The following RIF1 variants were observed in gnomAD, a reference collection of about 807,000 sequenced individuals.
RIF1 encodes telomere-associated protein RIF1.
RIF1 carries 45 observed loss-of-function variants against 247.1 expected under a neutral mutation model. That is an observed-to-expected ratio of 0.18 (90% CI 0.14 to 0.23). RIF1 has a LOEUF of 0.23. Among genes scored for constraint, RIF1 ranks in the 10% least tolerant of loss-of-function variants. The pLI is 1.00. For missense variants in RIF1, 2,967 were observed against 2,862.5 expected, an observed-to-expected ratio of 1.04 and a Z score of -0.83; for synonymous variants, 1,087 against 978.8, an observed-to-expected ratio of 1.11 and a Z score of -2.06.
intron 11 of RIF1, among the ~76,000 whole-genome samples, chr2:151,436,330 A>G (rs1691197137): frequency 6.6e-6 from 1 of 152,110 alleles, no homozygotes; most frequent in Admixed American, 6.6e-5. Context: ...ACTTGAAGCC[A>G]GGAGTTGGAT....
chr2:151,528,419 A>G, the RIF1 span, among the ~76,000 whole-genome samples: 1 of 152,340 alleles, frequency 6.6e-6, no homozygotes, highest in East Asian at 1.9e-4. Context: ...TCAAACATAC[A>G]AAAATGTTGC....
At chr2:151,466,564 T>C (rs1028906037) in intron 30 of RIF1, among the ~76,000 whole-genome samples, 1 of 152,060 alleles carries the variant, frequency 6.6e-6, no homozygotes, top group East Asian at 1.9e-4. Flanking sequence ...AAAAAACTCA[T>C]GTGCCTTCAT....
chr2:151,533,361 G>A, the RIF1 span: 3 of 900,120 alleles, frequency 3.3e-6, no homozygotes, highest in Non-Finnish European at 5.3e-6. Flanking sequence ...GGGAGTGGAA[G>A]AGGAAATCAA....
At chr2:151,494,625 A>AGCTG (rs1027664808) in intron 9 of RIF1, among the ~76,000 whole-genome samples, 8 of 151,848 alleles carry the variant, frequency 5.3e-5, no homozygotes, top group African/African-American at 1.7e-4. Context: ...CTAATACATC[A>AGCTG]GCTGTTTGTT....
downstream of RIF1, chr2:151,485,913 A>G (rs762107118): frequency 1.9e-6 from 3 of 1,613,874 alleles, no homozygotes; most frequent in South Asian, 3.3e-5. Flanking sequence ...CCATATAGTC[A>G]TACATGGCAC....
At chr2:151,450,841 C>A (rs183203201) in intron 20 of RIF1, among the ~76,000 whole-genome samples, 102 of 152,306 alleles carry the variant, frequency 6.7e-4, no homozygotes, top group Non-Finnish European at 9.0e-4. Context: ...ACCTCAGCCT[C>A]CCAAAGTGCT....
rs530619848 is a variant in RIF1, at chr2:151,419,087, C to A, written c.504-1103C>A. On this transcript the variant is annotated intron_variant, in intron 6 of 35. Transcript: ENST00000444746. ...ACTGTCTCCCACCTCCACATCTTGT[C>A]ATACTGAAATGTGTTCAGGGGCAGT... 6.0e-5 allele frequency among the ~76,000 whole-genome samples: 9 copies of A among 149,562 alleles called. No individual in the cohort carries two copies. The South Asian group carries it at 1.9e-3, about 32-fold the overall frequency.
chr2:151,428,655 T>G, intron 8 of RIF1, 129 bp from the exon 9 acceptor site: 1 of 690,658 alleles, frequency 1.4e-6, no homozygotes. Flanking sequence ...GTGAATAATT[T>G]GTCTTTTGTC....
At chr2:151,531,954 T>A in the RIF1 span, 1 of 1,072,328 alleles carries the variant, frequency 9.3e-7, no homozygotes, top group Admixed American at 2.1e-5. Flanking sequence ...CTTTAAGGTA[T>A]CTAATTGTCC....
In RIF1 at chr2:151,466,636, A is replaced by C. The variant is rs144754504; in HGVS notation, c.6600+516A>C. On this transcript the variant is annotated intron_variant, in intron 30 of 35. Coordinates refer to ENST00000444746, the MANE Select transcript of RIF1 (RefSeq NM_018151.5). ...CCCCATTTCCTCAGCTAAATTATAG[A>C]TCTTTTACTTTAGAAAAGATGGATT... is the stretch of plus-strand genomic sequence containing the variant. 2.6e-3 allele frequency among the ~76,000 whole-genome samples: 391 copies of C among 152,216 alleles called. 1 individual carries two copies. Among genetic ancestry groups the C allele is most frequent in the Middle Eastern group, 0.014 (4 of 294 alleles).
intron 18 of RIF1, among the ~76,000 whole-genome samples, chr2:151,444,726 T>G (rs1692959018): frequency 1.3e-5 from 2 of 152,182 alleles, no homozygotes. Context: ...CCCTTTTTAT[T>G]GTATGAGTTT....
chr2:151,468,369 T>G, intron 31 of RIF1, 105 bp from the exon 32 acceptor site: 8 of 1,016,642 alleles, frequency 7.9e-6, no homozygotes, highest in Non-Finnish European at 1.2e-5. Flanking sequence ...TCTTTTTATG[T>G]TTTTTGAACT....
In RIF1 at chr2:151,446,584, G is replaced by A. The variant is rs760846121; in HGVS notation, c.2244+9G>A. ...AAGATGAAGGCTTTTCTGTGAGTTT[G>A]TCCTGATGCTACCTTTTTTTGTTTG... On this transcript the variant is annotated intron_variant, in intron 20 of 35. Coordinates refer to ENST00000444746, the MANE Select transcript of RIF1 (RefSeq NM_018151.5). 1.2e-6 allele frequency: 2 copies of A among 1,604,836 alleles called. No individual in the cohort carries two copies. The highest frequency in any genetic ancestry group is 8.5e-7 in the Non-Finnish European group (1 of 1,178,064).
rs1471632136 is a variant in RIF1 at position 151,482,004 on chromosome 2, C to T, written c.*6933C>T. Reference sequence around the variant, plus strand: ...GTAGGCACACTTACAGTTACTATTTCTGGTTCTTTATGACTGTTGAGGGGG... The same window carrying T: ...GTAGGCACACTTACAGTTACTATTTTTGGTTCTTTATGACTGTTGAGGGGG... On this transcript the variant is annotated 3_prime_UTR_variant, in exon 36 of 36. Transcript: ENST00000444746. 7.6e-6 allele frequency: 1 copy of T among 132,186 alleles called. No individual in the cohort carries two copies. Among genetic ancestry groups the T allele is most frequent in the African/African-American group, 2.8e-5 (1 of 36,248 alleles). The allele number at this position is 132,186 out of a possible 1,614,324, so 8.2% of individuals were successfully genotyped here.
At chr2:151,516,994 T>A in the RIF1 span, among the ~76,000 whole-genome samples, 3 of 152,234 alleles carry the variant, frequency 2.0e-5, no homozygotes, top group African/African-American at 7.2e-5. Flanking sequence ...AGAACTTTTA[T>A]CAGAGACCTG....
intron 6 of RIF1, among the ~76,000 whole-genome samples, chr2:151,418,191 A>T (rs1456554726): frequency 6.6e-6 from 1 of 152,120 alleles, no homozygotes; most frequent in African/African-American, 2.4e-5. Flanking sequence ...TTTTAAAATA[A>T]ATTAACCTCT....
chr2:151,459,662 CTATGGCTTTGAA>C (rs1695827999), intron 25 of RIF1, among the ~76,000 whole-genome samples: 1 of 152,148 alleles, frequency 6.6e-6, no homozygotes, highest in South Asian at 2.1e-4. Context: ...GTTTAAAGTT[CTATGGCTTTGAA>C]TATTCTCTTA....
At chr2:151,513,584 C>T in the RIF1 span, 1 of 1,602,636 alleles carries the variant, frequency 6.2e-7, no homozygotes, top group Non-Finnish European at 8.5e-7. Flanking sequence ...ACTGACCTGA[C>T]TGGCAATATC....
chr2:151,485,931 T>G (rs1350605581), downstream of RIF1: 1 of 1,613,676 alleles, frequency 6.2e-7, no homozygotes, highest in South Asian at 1.1e-5. Flanking sequence ...CACGGAAGAT[T>G]TTCTATTCGT....
Sources: gnomAD v4.1 joint callset for allele counts (sites outside exome capture counted in the v4.1 genomes callset) on GRCh38, gnomAD v4.1.1 for gene constraint, MANE v1.5 for transcripts, NCBI Gene and HGNC (gene_info 2026-07-23, HGNC 2026-07-21) for gene names.